Variants in IQGAP1 observed in about 807,000 individuals in gnomAD.
The protein encoded by IQGAP1 is IQ motif containing GTPase activating protein 1, also known as ras GTPase-activating-like protein IQGAP1.
In IQGAP1, 66 loss-of-function variants were observed where a neutral mutation model predicts 215.6. The observed-to-expected ratio is 0.31, with a 90% CI of 0.25 to 0.38. IQGAP1 has a LOEUF of 0.38. Among genes scored for constraint, IQGAP1 ranks in the 10% least tolerant of loss-of-function variants. IQGAP1 has a pLI of 1.00. For synonymous variants in IQGAP1, 772 were observed against 728.7 expected (o/e 1.06, Z -0.96); for missense variants, 1,712 against 1,997.1 (o/e 0.86, Z 2.72).
At chr15:90,440,195 A>G (rs1054841610) in intron 6 of IQGAP1, among the ~76,000 whole-genome samples, 10 of 152,254 alleles carry the variant, frequency 6.6e-5, no homozygotes, top group African/African-American at 2.4e-4. Flanking sequence ...AGCTCACGTT[A>G]AAGCTGTTCC....
In IQGAP1 at chr15:90,409,340, C is replaced by T. The variant is rs1488497599; in HGVS notation, c.156-16770C>T. Among the ~76,000 whole-genome samples the T allele has an allele frequency of 4.7e-5, 7 of 150,402 alleles. No homozygotes were observed. In the East Asian group the frequency reaches 5.8e-4, roughly 13 times the overall value. ...GCAACCTCCACCTCCCGGCTTCAAG[C>T]GATTCTCCTGCCTCAGCCTCCTGAG... On this transcript the variant is annotated intron_variant, in intron 2 of 37. Transcript: ENST00000268182.
chr15:90,391,741 G>C (rs926471858), intron 2 of IQGAP1: 9 of 152,156 alleles, frequency 5.9e-5, no homozygotes, highest in Non-Finnish European at 1.3e-4. Context: ...CTTAATTTTA[G>C]AGTGTCATTT....
rs997213994 is a variant in IQGAP1 at position 90,495,391 on chromosome 15, AC to A, written c.4751+557del. ...TTGTCTGTTTAGGGGGGGAAAAAAA[AC>A]AACTTTTAAAAAAAGAACCTTTTAC... is the stretch of plus-strand genomic sequence containing the variant. On this transcript the variant is annotated intron_variant, in intron 36 of 37. Transcript: ENST00000268182. Among the ~76,000 whole-genome samples the A allele has an allele frequency of 2.2e-4, 34 of 151,274 alleles. No individual in the cohort carries two copies. In the South Asian group the frequency reaches 5.0e-3, roughly 22 times the overall value.
At chr15:90,452,118 G>A (rs1209718455) in intron 11 of IQGAP1, among the ~76,000 whole-genome samples, 1 of 152,130 alleles carries the variant, frequency 6.6e-6, no homozygotes, top group African/African-American at 2.4e-5. Context: ...GTGAGCCACC[G>A]TGCCTGGCCA....
chr15:90,407,760 A>G (rs772775960), intron 2 of IQGAP1, among the ~76,000 whole-genome samples: 9 of 152,224 alleles, frequency 5.9e-5, no homozygotes, highest in South Asian at 2.1e-4. Flanking sequence ...AATTCCTCCA[A>G]TAAAATAATT....
intron 2 of IQGAP1, among the ~76,000 whole-genome samples, chr15:90,416,468 A>C (rs1005460508): frequency 1.3e-5 from 2 of 152,158 alleles, no homozygotes; most frequent in Non-Finnish European, 2.9e-5. Context: ...TAGATCCTTG[A>C]GGAACTGCCA....
At chr15:90,424,961 A>G (rs1273904078) in intron 2 of IQGAP1, among the ~76,000 whole-genome samples, 1 of 152,126 alleles carries the variant, frequency 6.6e-6, no homozygotes, top group Non-Finnish European at 1.5e-5. Flanking sequence ...TTCCAGGGGA[A>G]GGTTCTATAG....
intron 2 of IQGAP1, chr15:90,397,889 T>TTTTTTTTC (rs538168575): frequency 0.51 from 63,828 of 126,276 alleles, 16,826 homozygotes; most frequent in East Asian, 0.68. Context: ...TTTTTTTTTC[T>TTTTTTTTC]TTTTTTTTTT....
rs1438054687 is a variant in IQGAP1 at position 90,389,744 on chromosome 15, C to T, written c.56-1030C>T. Among the ~76,000 whole-genome samples the T allele has an allele frequency of 5.3e-5, 8 of 150,426 alleles. 1 individual carries two copies. Among genetic ancestry groups the T allele is most frequent in the Admixed American group, 4.7e-4 (7 of 15,044 alleles). ...CCGAGGTGAGAGGATAGTTTGAGGC[C>T]TTGAGTTTGAGACCAGCCTGGGCAG... is the stretch of plus-strand genomic sequence containing the variant. On this transcript the variant is annotated intron_variant, in intron 1 of 37. Coordinates refer to ENST00000268182, the MANE Select transcript of IQGAP1 (RefSeq NM_003870.4).
At chr15:90,403,078 C>T (rs973088399) in intron 2 of IQGAP1, among the ~76,000 whole-genome samples, 1 of 152,090 alleles carries the variant, frequency 6.6e-6, no homozygotes, top group African/African-American at 2.4e-5. Flanking sequence ...CATGACCAGC[C>T]TGGGCAACAT....
chr15:90,486,199 C>G, intron 31 of IQGAP1, 67 bp downstream of exon 31: 1 of 1,078,952 alleles, frequency 9.3e-7, no homozygotes, highest in African/African-American at 1.6e-5. Context: ...TAATTGTCAC[C>G]TCCTCTATTT....
intron 9 of IQGAP1, 34 bp from the exon 10 acceptor site, chr15:90,448,539 A>G: frequency 1.3e-6 from 2 of 1,540,024 alleles, no homozygotes; most frequent in Non-Finnish European, 1.8e-6. Flanking sequence ...CTGTTAACAT[A>G]GTCCTTTCAC....
intron 18 of IQGAP1, among the ~76,000 whole-genome samples, chr15:90,468,950 C>A (rs189619392): frequency 9.4e-4 from 143 of 152,298 alleles, no homozygotes; most frequent in African/African-American, 3.3e-3. Flanking sequence ...CTTTGAAGCT[C>A]CCAAAGAACT....
chr15:90,454,016 G>A (rs901250384), intron 13 of IQGAP1, among the ~76,000 whole-genome samples: 4 of 152,192 alleles, frequency 2.6e-5, no homozygotes, highest in African/African-American at 7.2e-5. Context: ...CTTTTGCACC[G>A]TCAAAATATC....
chr15:90,483,170 G>C (rs1416600247), intron 28 of IQGAP1, 191 bp from the exon 29 acceptor site: 1 of 559,584 alleles, frequency 1.8e-6, no homozygotes. Context: ...ATTGAACAAA[G>C]GGATATTTCA....
intron 11 of IQGAP1, 67 bp from the exon 12 acceptor site, chr15:90,452,698 TCCCATGAAGA>T: frequency 6.8e-7 from 1 of 1,472,164 alleles, no homozygotes; most frequent in South Asian, 1.3e-5. Context: ...GTGATATTTT[TCCCATGAAGA>T]TTGGCACCTT....
At chr15:90,428,175 C>G (rs984479766) in intron 3 of IQGAP1, among the ~76,000 whole-genome samples, 5 of 152,058 alleles carry the variant, frequency 3.3e-5, no homozygotes, top group Non-Finnish European at 7.4e-5. Context: ...TAGGCTCAAG[C>G]AATCCTCCCA....
intron 2 of IQGAP1, among the ~76,000 whole-genome samples, chr15:90,417,693 C>T (rs564134473): frequency 1.6e-4 from 25 of 152,240 alleles, no homozygotes; most frequent in South Asian, 4.2e-4. Context: ...CTTGGCAATG[C>T]GGGCTCTTTT....
intron 15 of IQGAP1, 70 bp from the exon 16 acceptor site, chr15:90,465,931 C>T (rs975100505): frequency 8.6e-7 from 1 of 1,167,674 alleles, no homozygotes; most frequent in Non-Finnish European, 1.3e-6. Context: ...TAGGAAGCCC[C>T]CTTCTTCACA....
Sources: gnomAD v4.1 joint callset for allele counts (sites outside exome capture counted in the v4.1 genomes callset) on GRCh38, gnomAD v4.1.1 for gene constraint, MANE v1.5 for transcripts, NCBI Gene and HGNC (gene_info 2026-07-23, HGNC 2026-07-21) for gene names.